The following KDM4C variants were observed in gnomAD, a reference collection of about 807,000 sequenced individuals.
The protein encoded by KDM4C is lysine-specific demethylase 4C.
KDM4C carries 81 observed loss-of-function variants against 129.3 expected under a neutral mutation model. The observed-to-expected ratio is 0.63, with a 90% CI of 0.52 to 0.75. KDM4C has a LOEUF of 0.75. Among genes scored for constraint, KDM4C ranks in the 30% least tolerant of loss-of-function variants. The pLI is 0.00. For missense variants in KDM4C, 1,457 were observed against 1,304.0 expected (o/e 1.12, Z -1.81); for synonymous variants, 573 against 456.1 (o/e 1.26, Z -3.26).
At chr9:6,952,411 GTATA>G (rs61217461) in intron 8 of KDM4C, among the ~76,000 whole-genome samples, 18 of 145,112 alleles carry the variant, frequency 1.2e-4, no homozygotes, top group African/African-American at 1.5e-4. Flanking sequence ...GTGTATGTGT[GTATA>G]TATATATATA....
intron 8 of KDM4C, among the ~76,000 whole-genome samples, chr9:6,949,205 C>T (rs138705843): frequency 0.024 from 3,594 of 151,224 alleles, 101 homozygotes; most frequent in East Asian, 0.13. Context: ...CCTCACTTCT[C>T]AGACGGGGCG....
At chr9:6,950,782 A>G (rs910100788) in intron 8 of KDM4C, among the ~76,000 whole-genome samples, 1 of 152,194 alleles carries the variant, frequency 6.6e-6, no homozygotes, top group African/African-American at 2.4e-5. Flanking sequence ...AAATACCTTT[A>G]AGGAGGTGCA....
intron 1 of KDM4C, among the ~76,000 whole-genome samples, chr9:6,768,898 G>T (rs1821185094): frequency 6.6e-6 from 1 of 151,822 alleles, no homozygotes; most frequent in South Asian, 2.1e-4. Flanking sequence ...TCAGCCTCCC[G>T]AGTAACTGGG....
intron 6 of KDM4C, among the ~76,000 whole-genome samples, chr9:6,880,529 T>C (rs1333000698): frequency 6.6e-6 from 1 of 152,150 alleles, no homozygotes; most frequent in Non-Finnish European, 1.5e-5. Flanking sequence ...CCAGTTCTTC[T>C]GTGGCCCACT....
chr9:6,990,293 A>C (rs1460648644), intron 11 of KDM4C, 123 bp from the exon 12 acceptor site: 1 of 692,294 alleles, frequency 1.4e-6, no homozygotes, highest in African/African-American at 1.8e-5. Flanking sequence ...GTTCCCCAAG[A>C]GGTAAACAAC....
At chr9:6,866,924 G>T (rs1204460274) in intron 5 of KDM4C, among the ~76,000 whole-genome samples, 2 of 136,620 alleles carry the variant, frequency 1.5e-5, no homozygotes, top group South Asian at 4.6e-4. Flanking sequence ...TATATATATA[G>T]AAAAATGTAT....
At chr9:6,851,350 A>G (rs1329437169) in intron 5 of KDM4C, among the ~76,000 whole-genome samples, 1 of 152,168 alleles carries the variant, frequency 6.6e-6, no homozygotes, top group East Asian at 1.9e-4. Flanking sequence ...TTTGTACAGC[A>G]TTACTGTAAA....
chr9:6,975,643 A>G (rs1395516055), intron 8 of KDM4C, among the ~76,000 whole-genome samples: 2 of 152,204 alleles, frequency 1.3e-5, no homozygotes, highest in African/African-American at 4.8e-5. Flanking sequence ...ACTTCTCTAT[A>G]AGACAGACAC....
intron 1 of KDM4C, among the ~76,000 whole-genome samples, chr9:6,774,141 G>A (rs991069881): frequency 2.6e-5 from 4 of 151,968 alleles, no homozygotes; most frequent in African/African-American, 9.7e-5. Flanking sequence ...ACCTGCCTCA[G>A]CCTCCCAAAG....
At chr9:6,754,665 A>G (rs893885861), upstream of KDM4C, among the ~76,000 whole-genome samples, 3 of 152,014 alleles carry the variant, frequency 2.0e-5, no homozygotes, top group African/African-American at 7.2e-5. Flanking sequence ...ATTTGAGCCC[A>G]GGAGTTTGAC....
At chr9:6,928,825 C>T (rs1417835270) in intron 8 of KDM4C, among the ~76,000 whole-genome samples, 2 of 152,172 alleles carry the variant, frequency 1.3e-5, no homozygotes, top group Non-Finnish European at 2.9e-5. Flanking sequence ...GATTATTCTG[C>T]TAATGCAGAA....
chr9:6,969,407 A>G (rs560276300), intron 8 of KDM4C, among the ~76,000 whole-genome samples: 3 of 152,200 alleles, frequency 2.0e-5, no homozygotes, highest in Non-Finnish European at 4.4e-5. Context: ...CATTAAGAAC[A>G]TAGGGTTTTT....
At chr9:6,919,269 T>TTCTTTCTTTCTTTCTTTCTTTC (rs1563812440) in intron 8 of KDM4C, among the ~76,000 whole-genome samples, 6 of 147,366 alleles carry the variant, frequency 4.1e-5, no homozygotes, top group African/African-American at 1.3e-4. Flanking sequence ...CTTTCTTTCT[T>TTCTTTCTTTCTTTCTTTCTTTC]TCTGTCTCTC....
intron 19 of KDM4C, among the ~76,000 whole-genome samples, chr9:7,146,725 A>G (rs1406618321): frequency 6.6e-6 from 1 of 152,130 alleles, no homozygotes. Context: ...CCACCCATCT[A>G]CTTATTAGCC....
At chr9:6,971,992 C>T (rs552215366) in intron 8 of KDM4C, among the ~76,000 whole-genome samples, 1 of 152,070 alleles carries the variant, frequency 6.6e-6, no homozygotes, top group South Asian at 2.1e-4. Flanking sequence ...TAAAACAGAC[C>T]TGATGCCTGT....
intron 19 of KDM4C, among the ~76,000 whole-genome samples, chr9:7,154,218 T>G (rs570293898): frequency 4.6e-5 from 7 of 152,242 alleles, no homozygotes; most frequent in Non-Finnish European, 8.8e-5. Context: ...TACGTGGCTG[T>G]CTGTCAGTCT....
chr9:6,885,708 G>A lies in KDM4C; in HGVS notation c.680-2252G>A, dbSNP rs115059655. Among the ~76,000 whole-genome samples, 1,317 of 151,846 alleles carry A rather than the reference G, an allele frequency of 8.7e-3. 14 individuals carry two copies. The highest frequency in any genetic ancestry group is 0.03 in the African/African-American group (1,245 of 41,376). ...TGGAGTGAGAGTGAGTATGAACCAT[G>A]TAGCCCTGCAGGTATTTTGAGGTAA... is the stretch of plus-strand genomic sequence containing the variant. On this transcript the variant is annotated intron_variant, in intron 6 of 21. Transcript: ENST00000381309.
At chr9:6,804,584 CCT>C (rs1442541658) in intron 2 of KDM4C, among the ~76,000 whole-genome samples, 1 of 151,640 alleles carries the variant, frequency 6.6e-6, no homozygotes, top group Non-Finnish European at 1.5e-5. Flanking sequence ...ATGGTGAAAC[CCT>C]GTCTCTACTA....
intron 6 of KDM4C, among the ~76,000 whole-genome samples, chr9:6,882,459 T>C (rs1264871156): frequency 6.6e-6 from 1 of 152,246 alleles, no homozygotes; most frequent in African/African-American, 2.4e-5. Flanking sequence ...GTATTTCATA[T>C]TTCATTTGTC....
Sources: gnomAD v4.1 joint callset for allele counts (sites outside exome capture counted in the v4.1 genomes callset) on GRCh38, gnomAD v4.1.1 for gene constraint, MANE v1.5 for transcripts, NCBI Gene and HGNC (gene_info 2026-07-23, HGNC 2026-07-21) for gene names.